Variants in ADAM17 observed in about 807,000 individuals in gnomAD.
The protein encoded by ADAM17 is disintegrin and metalloproteinase domain-containing protein 17.
In ADAM17, 39 loss-of-function variants were observed where a neutral mutation model predicts 96.7. That is an observed-to-expected ratio of 0.40 (90% CI 0.31 to 0.53). ADAM17 has a LOEUF of 0.53. Ranked by LOEUF, ADAM17 falls within the 20% of genes least tolerant of loss-of-function variation. The pLI, the probability that ADAM17 is intolerant of heterozygous loss-of-function variation, is 0.44. For missense variants in ADAM17, 777 were observed against 1,013.2 expected (o/e 0.77, Z 3.17); for synonymous variants, 344 against 359.2 (o/e 0.96, Z 0.48).
chr2:9,510,817 G>A (rs1329350455), intron 10 of ADAM17, among the ~76,000 whole-genome samples: 3 of 152,122 alleles, frequency 2.0e-5, no homozygotes, highest in African/African-American at 7.2e-5. Flanking sequence ...GGGTGACAGA[G>A]TAAGACTTTG....
Position 9,490,035 on chromosome 2 carries a change from T to C in ADAM17, c.*142A>G. The C allele has an allele frequency of 1.3e-6, 1 of 759,306 alleles. No homozygotes were observed. Among genetic ancestry groups the C allele is most frequent in the Non-Finnish European group, 2.1e-6 (1 of 486,730 alleles). 47.0% of individuals were successfully genotyped at this position (759,306 alleles called of 1,614,324 possible). A position where few individuals can be genotyped will look rare whatever the true frequency, so the allele number is the denominator to read the frequency against. On this transcript the variant is annotated 3_prime_UTR_variant, in exon 19 of 19. Coordinates refer to ENST00000310823, the MANE Select transcript of ADAM17 (RefSeq NM_003183.6). ...GAAGGGCCAAACCACACAAGAACTG[T>C]TTACCTGCAGGAAGTTCAAACACAT...
At chr2:9,539,041 A>T (rs758703501) in intron 2 of ADAM17, among the ~76,000 whole-genome samples, 4 of 152,184 alleles carry the variant, frequency 2.6e-5, no homozygotes, top group South Asian at 4.1e-4. Context: ...TTCAGGCAAC[A>T]TCAAAAAAGT....
intron 6 of ADAM17, among the ~76,000 whole-genome samples, chr2:9,524,224 G>A (rs566684187): frequency 2.6e-5 from 4 of 152,184 alleles, no homozygotes; most frequent in Admixed American, 6.5e-5. Flanking sequence ...TACAGTGGCC[G>A]GGCATAGTGG....
intron 1 of ADAM17, among the ~76,000 whole-genome samples, chr2:9,552,914 T>C (rs1008018230): frequency 3.7e-5 from 5 of 134,968 alleles, no homozygotes; most frequent in African/African-American, 2.0e-4. Context: ...TAATCGATAT[T>C]GAGTACTGCA....
At chr2:9,524,481 A>G (rs1055755272) in intron 6 of ADAM17, among the ~76,000 whole-genome samples, 2 of 150,084 alleles carry the variant, frequency 1.3e-5, no homozygotes, top group Admixed American at 1.3e-4. Context: ...CAGAGCCTTA[A>G]AAAAAAAAAG....
chr2:9,503,559 A>G (rs12467921), intron 12 of ADAM17, among the ~76,000 whole-genome samples: 88,532 of 152,138 alleles, frequency 0.58, 27,116 homozygotes, highest in African/African-American at 0.71. Flanking sequence ...TTCTTTGGGC[A>G]GCCAGGAGCA....
chr2:9,538,068 G>C (rs1270539033), intron 2 of ADAM17, among the ~76,000 whole-genome samples: 1 of 151,080 alleles, frequency 6.6e-6, no homozygotes, highest in African/African-American at 2.4e-5. Flanking sequence ...TATTCTTTTT[G>C]TTGAGTTTCA....
intron 18 of ADAM17, among the ~76,000 whole-genome samples, chr2:9,490,882 G>A (rs1027804763): frequency 2.0e-5 from 3 of 152,156 alleles, no homozygotes; most frequent in Admixed American, 2.0e-4. Flanking sequence ...TTATGGCTTG[G>A]GAAGGGGACA....
At chr2:9,515,020 G>C (rs936025778) in intron 10 of ADAM17, among the ~76,000 whole-genome samples, 9 of 152,116 alleles carry the variant, frequency 5.9e-5, no homozygotes, top group Non-Finnish European at 1.2e-4. Flanking sequence ...GCCACCACCT[G>C]TTTTTAAATC....
intron 4 of ADAM17, among the ~76,000 whole-genome samples, chr2:9,534,475 T>C (rs1314272427): frequency 6.6e-6 from 1 of 151,326 alleles, no homozygotes; most frequent in East Asian, 1.9e-4. Flanking sequence ...GCAGAGGTTA[T>C]AGTGAGCCAA....
chr2:9,493,621 C>A, intron 16 of ADAM17, 126 bp downstream of exon 16: 1 of 750,516 alleles, frequency 1.3e-6, no homozygotes, highest in South Asian at 1.9e-5. Context: ...TGTTTCATAA[C>A]TAAAGCTGTG....
At chr2:9,523,919 G>C (rs1020105517) in intron 6 of ADAM17, among the ~76,000 whole-genome samples, 2 of 151,158 alleles carry the variant, frequency 1.3e-5, no homozygotes, top group Non-Finnish European at 2.9e-5. Context: ...TCTGTCACCA[G>C]GGGTGCAGTA....
intron 1 of ADAM17, among the ~76,000 whole-genome samples, chr2:9,545,763 A>T (rs1213421319): frequency 6.6e-6 from 1 of 152,142 alleles, no homozygotes; most frequent in Non-Finnish European, 1.5e-5. Context: ...AGGGGAAAAA[A>T]TCTGCAACTA....
intron 6 of ADAM17, among the ~76,000 whole-genome samples, chr2:9,523,952 T>TA (rs1664415458): frequency 6.6e-6 from 1 of 151,508 alleles, no homozygotes; most frequent in Admixed American, 6.6e-5. Context: ...CATAGCTCAC[T>TA]ACAGCCTGAA....
Position 9,526,122 on chromosome 2 carries a change from T to G in ADAM17, c.742A>C (p.Thr248Pro), listed in dbSNP as rs1429425140. 1 of 1,606,136 alleles carries G rather than the reference T, an allele frequency of 6.2e-7. No homozygotes were observed. The highest frequency in any genetic ancestry group is 8.5e-7 in the Non-Finnish European group (1 of 1,177,364). Residue 248 changes from threonine to proline, a missense_variant, in exon 6 of 19, where the codon ACA becomes CCA. Physicochemically the swap from Thr to Pro is conservative, Grantham distance 38 (BLOSUM62 -1). This residue lies in a region of ADAM17 where 446 missense variants were observed against 664.7 expected (regional missense o/e 0.67). Transcript: ENST00000310823. ...YMGRGEESTT[T>P]NYLIELIDRV... ...TATCAAATACTTACTAAGTAATTTG[T>G]AGTTGTACTCTCTTCCCCTCTGCCC...
intron 2 of ADAM17, among the ~76,000 whole-genome samples, chr2:9,538,050 G>A (rs1025410531): frequency 6.9e-6 from 1 of 145,552 alleles, no homozygotes; most frequent in African/African-American, 2.5e-5. Context: ...GTTCTTTAGT[G>A]GGCTTACTAT....
intron 2 of ADAM17, among the ~76,000 whole-genome samples, chr2:9,539,094 A>G (rs916349809): frequency 6.6e-6 from 1 of 151,926 alleles, no homozygotes; most frequent in Non-Finnish European, 1.5e-5. Flanking sequence ...TTATTTAAAA[A>G]TAAGATAATT....
chr2:9,513,597 G>C (rs150743984), intron 10 of ADAM17, among the ~76,000 whole-genome samples: 3 of 152,116 alleles, frequency 2.0e-5, no homozygotes, highest in Admixed American at 6.6e-5. Flanking sequence ...ATATGTAGGG[G>C]GAAATCCCCA....
chr2:9,542,623 A>G (rs1665251537), intron 2 of ADAM17, among the ~76,000 whole-genome samples: 1 of 149,780 alleles, frequency 6.7e-6, no homozygotes, highest in Non-Finnish European at 1.5e-5. Flanking sequence ...TTTTCTAAAC[A>G]TCGTTACCAT....
Sources: allele counts gnomAD v4.1 joint callset (sites outside exome capture counted in the v4.1 genomes callset), GRCh38; gene constraint gnomAD v4.1.1; regional missense constraint gnomAD v4.1.1; transcripts MANE v1.5; gene names NCBI Gene and HGNC (gene_info 2026-07-23, HGNC 2026-07-21).